Variants in FOXP2 observed in about 807,000 individuals in gnomAD.
FOXP2 encodes the protein forkhead box protein P2.
Under a neutral mutation model 115.8 loss-of-function variants are expected in FOXP2, and 12 were observed. The observed-to-expected ratio is 0.10, with a 90% CI of 0.07 to 0.17. The LOEUF (loss-of-function observed/expected upper bound fraction) is 0.17, where lower values mean the gene tolerates loss of function less well. Among genes scored for constraint, FOXP2 ranks in the 10% least tolerant of loss-of-function variants. The pLI, the probability that FOXP2 is intolerant of heterozygous loss-of-function variation, is 1.00. For missense variants in FOXP2, 629 were observed against 843.5 expected (o/e 0.75, Z 3.15); for synonymous variants, 328 against 297.7 (o/e 1.10, Z -1.05).
chr7:114,538,175 C>T (rs748452222), intron 3 of FOXP2: 3 of 414,846 alleles, frequency 7.2e-6, no homozygotes, highest in African/African-American at 2.1e-5. Context: ...TAAATGCCAA[C>T]ATGCACATAC....
At position 114,553,568 on chromosome 7, in the gene FOXP2, T is replaced by G. The variant is rs577014711; in HGVS notation, c.258+18862T>G. 4.6e-5 allele frequency among the ~76,000 whole-genome samples: 7 copies of G among 152,248 alleles called. No homozygotes were observed. In the South Asian group the frequency reaches 1.2e-3, roughly 27 times the overall value. ...CTATAACTTCATTTTCTTTTCACAA[T>G]AGAAGATTAAAGAGAGACAGTTTTG... On this transcript the variant is annotated intron_variant, in intron 3 of 16. Coordinates refer to ENST00000350908, the MANE Select transcript of FOXP2 (RefSeq NM_014491.4).
At chr7:114,685,351 A>G (rs983225501) in intron 16 of FOXP2, among the ~76,000 whole-genome samples, 10 of 152,120 alleles carry the variant, frequency 6.6e-5, no homozygotes, top group Non-Finnish European at 1.0e-4. Context: ...TTTATTTTAT[A>G]ATTTGTCATG....
chr7:114,407,504 C>A (rs1163109365), intron 2 of FOXP2, among the ~76,000 whole-genome samples: 1 of 151,980 alleles, frequency 6.6e-6, no homozygotes, highest in Non-Finnish European at 1.5e-5. Flanking sequence ...TGAAACACTG[C>A]TGGAAATGGT....
chr7:114,458,705 T>C (rs895834812), intron 2 of FOXP2, among the ~76,000 whole-genome samples: 3 of 152,012 alleles, frequency 2.0e-5, no homozygotes, highest in Non-Finnish European at 4.4e-5. Flanking sequence ...CAGCTGGTTC[T>C]TGACTTTTGC....
intron 2 of FOXP2, among the ~76,000 whole-genome samples, chr7:114,496,668 A>G (rs1416510050): frequency 6.6e-6 from 1 of 152,174 alleles, no homozygotes; most frequent in Non-Finnish European, 1.5e-5. Context: ...ACTAGTTCCT[A>G]CCCACAACTT....
intron 3 of FOXP2, among the ~76,000 whole-genome samples, chr7:114,559,839 A>G (rs540377792): frequency 4.9e-4 from 74 of 152,014 alleles, no homozygotes; most frequent in Middle Eastern, 3.4e-3. Flanking sequence ...CAGTGAGCCA[A>G]TATCGTGCCA....
At chr7:114,490,700 T>C (rs1481760309) in intron 2 of FOXP2, among the ~76,000 whole-genome samples, 2 of 152,020 alleles carry the variant, frequency 1.3e-5, no homozygotes, top group Non-Finnish European at 2.9e-5. Context: ...GTTCCCCTTC[T>C]TGTGTCCATG....
intron 2 of FOXP2, among the ~76,000 whole-genome samples, chr7:114,428,505 G>C (rs115855303): frequency 2.0e-5 from 3 of 151,468 alleles, no homozygotes; most frequent in African/African-American, 7.3e-5. Flanking sequence ...TATGTCTGTA[G>C]AGTGCCTTCT....
intron 2 of FOXP2, among the ~76,000 whole-genome samples, chr7:114,448,338 T>A (rs1302229320): frequency 1.3e-5 from 2 of 152,140 alleles, no homozygotes; most frequent in Non-Finnish European, 2.9e-5. Context: ...ACTTTATATC[T>A]CCTTTGATTC....
intron 16 of FOXP2, among the ~76,000 whole-genome samples, chr7:114,673,603 A>C (rs546096280): frequency 6.6e-6 from 1 of 152,334 alleles, no homozygotes; most frequent in Admixed American, 6.5e-5. Flanking sequence ...AAGAGCAGGA[A>C]ATTCTAGAGA....
chr7:114,575,923 T>A (rs1317591337), intron 3 of FOXP2, among the ~76,000 whole-genome samples: 1 of 151,912 alleles, frequency 6.6e-6, no homozygotes, highest in Non-Finnish European at 1.5e-5. Flanking sequence ...ATAAAAGCTG[T>A]TTACAGTATT....
chr7:114,135,084 A>G (rs1770639838), intron 1 of FOXP2, among the ~76,000 whole-genome samples: 1 of 152,258 alleles, frequency 6.6e-6, no homozygotes, highest in South Asian at 2.1e-4. Flanking sequence ...AGGAAGAATT[A>G]TGGAGTAAGA....
At chr7:114,601,300 G>T (rs756497486) in intron 3 of FOXP2, among the ~76,000 whole-genome samples, 12 of 152,156 alleles carry the variant, frequency 7.9e-5, no homozygotes, top group Middle Eastern at 3.4e-3. Flanking sequence ...TTGCAGAATA[G>T]AAATTTCATC....
intron 5 of FOXP2, 118 bp from the exon 6 acceptor site, chr7:114,631,410 T>C (rs983545396): frequency 1.3e-6 from 2 of 1,520,102 alleles, no homozygotes; most frequent in African/African-American, 2.8e-5. Context: ...GAACTTTGAC[T>C]ATGGGATGAC....
At chr7:114,565,682 TC>T (rs1291215593) in intron 3 of FOXP2, among the ~76,000 whole-genome samples, 2 of 152,166 alleles carry the variant, frequency 1.3e-5, no homozygotes, top group Non-Finnish European at 2.9e-5. Flanking sequence ...TCCCTGGACT[TC>T]CTTTCCTTCC....
chr7:114,543,501 T>G (rs1799779420), intron 3 of FOXP2, among the ~76,000 whole-genome samples: 1 of 152,028 alleles, frequency 6.6e-6, no homozygotes. Flanking sequence ...CTTTAAAAAT[T>G]TCAATAAAAT....
intron 3 of FOXP2, among the ~76,000 whole-genome samples, chr7:114,566,409 G>A (rs1281919988): frequency 6.6e-6 from 1 of 151,954 alleles, no homozygotes; most frequent in Non-Finnish European, 1.5e-5. Flanking sequence ...TGAATGTCTT[G>A]GTGCCATCCT....
chr7:114,319,934 A>T (rs964961041), intron 2 of FOXP2, among the ~76,000 whole-genome samples: 32 of 152,180 alleles, frequency 2.1e-4, no homozygotes, highest in Non-Finnish European at 1.5e-5. Flanking sequence ...TGCAGAGTCT[A>T]AAAGTGAAAT....
chr7:114,557,245 G>T (rs1177142225), intron 3 of FOXP2, among the ~76,000 whole-genome samples: 2 of 152,130 alleles, frequency 1.3e-5, no homozygotes, highest in Non-Finnish European at 2.9e-5. Flanking sequence ...TTGGAAGCTG[G>T]TTTAATATGT....
Sources: gnomAD v4.1 joint callset for allele counts (sites outside exome capture counted in the v4.1 genomes callset) on GRCh38, gnomAD v4.1.1 for gene constraint, MANE v1.5 for transcripts, NCBI Gene and HGNC (gene_info 2026-07-23, HGNC 2026-07-21) for gene names.